The following INPP5A variants were observed in gnomAD, a reference collection of about 807,000 sequenced individuals.
The protein encoded by INPP5A is 43 kDa inositol polyphosphate 5-phophatase.
A neutral mutation model predicts 65.2 loss-of-function variants in INPP5A; 14 were observed. The observed-to-expected ratio is 0.21, with a 90% CI of 0.14 to 0.34. INPP5A has a LOEUF of 0.34. Ranked by LOEUF, INPP5A falls within the 10% of genes least tolerant of loss-of-function variation. INPP5A has a pLI of 1.00. For missense variants in INPP5A, 431 were observed against 545.6 expected (o/e 0.79, Z 2.09); for synonymous variants, 207 against 208.3 (o/e 0.99, Z 0.05).
At position 132,736,321 on chromosome 10, in the gene INPP5A, C is replaced by T. The variant is rs554019739; in HGVS notation, c.732+9416C>T. Among the ~76,000 whole-genome samples the T allele has an allele frequency of 1.2e-3, 178 of 152,374 alleles. 1 individual carries two copies. Among genetic ancestry groups the T allele is most frequent in the African/African-American group, 3.9e-3 (163 of 41,594 alleles). On this transcript the variant is annotated intron_variant, in intron 9 of 15. Coordinates refer to ENST00000368594, the MANE Select transcript of INPP5A (RefSeq NM_005539.5). ...CGCACCCGTCTCCACGCGGCCCGAC[C>T]GCACACCACACCTGCCGTCCATCAC...
intron 1 of INPP5A, among the ~76,000 whole-genome samples, chr10:132,570,437 C>G (rs185077060): frequency 6.6e-6 from 1 of 152,040 alleles, no homozygotes; most frequent in African/African-American, 2.4e-5. Context: ...TTCCTTCCGA[C>G]GAGGTATGTG....
rs188047907 is a variant in INPP5A at position 132,674,084 on chromosome 10, C to T, written c.307-16308C>T. Among the ~76,000 whole-genome samples, 1 of 152,292 alleles carries T rather than the reference C, an allele frequency of 6.6e-6. No homozygotes were observed. The highest frequency in any genetic ancestry group is 2.4e-5 in the African/African-American group (1 of 41,548). On this transcript the variant is annotated intron_variant, in intron 4 of 15. Coordinates refer to ENST00000368594, the MANE Select transcript of INPP5A (RefSeq NM_005539.5). This position sits in a 1 kb window ranked among gnomAD's most constrained non-coding sequence, Gnocchi z 4.4. Reference sequence around the variant, plus strand: ...TATCCACAGAAGGGGTCATCCTGTCCACTTGATTATTTAAATGCTCCTCTG... The same window carrying T: ...TATCCACAGAAGGGGTCATCCTGTCTACTTGATTATTTAAATGCTCCTCTG...
intron 4 of INPP5A, among the ~76,000 whole-genome samples, chr10:132,661,951 A>G (rs2072741743): frequency 1.3e-5 from 2 of 152,228 alleles, no homozygotes; most frequent in South Asian, 4.1e-4. Flanking sequence ...TGCTGTAGCA[A>G]TTAGAGGGCC....
intron 1 of INPP5A, among the ~76,000 whole-genome samples, chr10:132,571,809 C>T (rs1162082465): frequency 2.6e-5 from 4 of 152,198 alleles, no homozygotes; most frequent in Non-Finnish European, 5.9e-5. Flanking sequence ...CAGGGGCTAG[C>T]GAGTGAGCAG....
At chr10:132,774,103 C>T (rs2134687764) in intron 12 of INPP5A, among the ~76,000 whole-genome samples, 1 of 152,346 alleles carries the variant, frequency 6.6e-6, no homozygotes. Flanking sequence ...CCTTCTCCCG[C>T]TCGGTAGCTT....
rs138787071 is a variant in INPP5A, at chr10:132,547,579, C to T, written c.75+9408C>T. On this transcript the variant is annotated intron_variant, in intron 1 of 15. Coordinates refer to ENST00000368594, the MANE Select transcript of INPP5A (RefSeq NM_005539.5). The surrounding 1 kb of genome is among the most constrained non-coding windows in gnomAD (Gnocchi z 5.5). Reference sequence around the variant, plus strand: ...GGCCGGGCACCTGCACCCTCGCCGTCGCCCTGGGCTGACCTCCCATCTCCT... The same window carrying T: ...GGCCGGGCACCTGCACCCTCGCCGTTGCCCTGGGCTGACCTCCCATCTCCT... 1.4e-4 allele frequency among the ~76,000 whole-genome samples: 22 copies of T among 152,318 alleles called. No homozygotes were observed. In the East Asian group the frequency reaches 4.1e-3, roughly 28 times the overall value.
chr10:132,683,513 T>C (rs985285869), intron 4 of INPP5A, among the ~76,000 whole-genome samples: 6 of 152,230 alleles, frequency 3.9e-5, no homozygotes, highest in Admixed American at 3.9e-4. Context: ...GGAGGGTGCG[T>C]GTCTGCAGTG....
Position 132,678,483 on chromosome 10 carries a change from A to C in INPP5A, c.307-11909A>C, listed in dbSNP as rs1447195831. Among the ~76,000 whole-genome samples the C allele has an allele frequency of 6.6e-6, 1 of 151,996 alleles. No individual in the cohort carries two copies. The highest frequency in any genetic ancestry group is 1.5e-5 in the Non-Finnish European group (1 of 67,980). On this transcript the variant is annotated intron_variant, in intron 4 of 15. Transcript: ENST00000368594. This position sits in a 1 kb window ranked among gnomAD's most constrained non-coding sequence, Gnocchi z 4.1. Reference sequence around the variant, plus strand: ...ATGTGTGACTTTTGCAAGTGTGTTCAGCTTCTCGGGAGCACCGTGAACCTG... The same window carrying C: ...ATGTGTGACTTTTGCAAGTGTGTTCCGCTTCTCGGGAGCACCGTGAACCTG...
chr10:132,575,259 T>C lies in INPP5A; in HGVS notation c.76-32656T>C, dbSNP rs2071400092. On this transcript the variant is annotated intron_variant, in intron 1 of 15. Transcript: ENST00000368594. The surrounding 1 kb of genome is among the most constrained non-coding windows in gnomAD (Gnocchi z 5.4). The stretch of plus-strand genomic sequence containing the variant: ...GGGCGGCCGCCTGATGTCTGCCTGC[T>C]TTTGGCATTTGGACGACACCTGGTT... Among the ~76,000 whole-genome samples, 1 of 152,204 alleles carries C rather than the reference T, an allele frequency of 6.6e-6. No individual in the cohort carries two copies. Among genetic ancestry groups the C allele is most frequent in the African/African-American group, 2.4e-5 (1 of 41,454 alleles).
chr10:132,734,586 C>G (rs1177947830), intron 9 of INPP5A, among the ~76,000 whole-genome samples: 1 of 152,194 alleles, frequency 6.6e-6, no homozygotes, highest in East Asian at 1.9e-4. Flanking sequence ...GTGGGCAGCC[C>G]CATTGGTCCA....
chr10:132,703,700 G>A (rs1250125107), intron 6 of INPP5A, among the ~76,000 whole-genome samples: 1 of 76,230 alleles, frequency 1.3e-5, no homozygotes, highest in South Asian at 4.7e-4. Flanking sequence ...AGACACATGC[G>A]GCTTCACCCC....
At chr10:132,719,547 C>G (rs1845820819) in intron 8 of INPP5A, among the ~76,000 whole-genome samples, 2 of 147,620 alleles carry the variant, frequency 1.4e-5, no homozygotes, top group African/African-American at 5.2e-5. Context: ...TCTGTGGTGC[C>G]TGGGTTCTGT....
At chr10:132,776,390 G>T (rs1461616923) in intron 12 of INPP5A, among the ~76,000 whole-genome samples, 1 of 150,928 alleles carries the variant, frequency 6.6e-6, no homozygotes, top group African/African-American at 2.4e-5. Context: ...TTGGGCACAG[G>T]GCCCACAGGC....
Position 132,697,722 on chromosome 10 carries a change from C to T in INPP5A, c.371-94C>T, listed in dbSNP as rs557915358. The T allele has an allele frequency of 5.3e-5, 45 of 851,908 alleles. 1 individual carries two copies. In the South Asian group the frequency reaches 5.9e-4, roughly 11 times the overall value. The allele number at this position is 851,908 out of a possible 1,614,324, so 52.8% of individuals were successfully genotyped here. A position where few individuals can be genotyped will look rare whatever the true frequency, so the allele number is the denominator to read the frequency against. On this transcript the variant is annotated intron_variant, in intron 5 of 15. Coordinates refer to ENST00000368594, the MANE Select transcript of INPP5A (RefSeq NM_005539.5). The surrounding 1 kb of genome is among the most constrained non-coding windows in gnomAD (Gnocchi z 5.6). ...CTCGGGGGGCCTCTCTGGCTCCCAT[C>T]GGGCTGAAGTCGGGTGGAAACAGGT...
At chr10:132,604,200 G>A (rs1311924174) in intron 1 of INPP5A, among the ~76,000 whole-genome samples, 1 of 146,198 alleles carries the variant, frequency 6.8e-6, no homozygotes, top group Non-Finnish European at 1.5e-5. Flanking sequence ...GGCGTACCCT[G>A]TGCTGTCAGG....
At chr10:132,764,577 G>T (rs1292830141) in intron 11 of INPP5A, among the ~76,000 whole-genome samples, 8 of 131,710 alleles carry the variant, frequency 6.1e-5, no homozygotes, top group African/African-American at 8.9e-5. Context: ...ACAGGAACAC[G>T]GCCGGGCCAG....
Position 132,759,971 on chromosome 10 carries a change from G to A in INPP5A, c.904-5802G>A, listed in dbSNP as rs115489134. On this transcript the variant is annotated intron_variant, in intron 11 of 15. Coordinates refer to ENST00000368594, the MANE Select transcript of INPP5A (RefSeq NM_005539.5). ...TGCGGCCTCACGACTTCGGTGCTCA[G>A]CCACGCAGCACCGTGCTCACAGACC... is the stretch of plus-strand genomic sequence containing the variant. 2.1e-3 allele frequency among the ~76,000 whole-genome samples: 318 copies of A among 152,310 alleles called. 3 individuals are homozygous for A. The highest frequency in any genetic ancestry group is 6.3e-3 in the African/African-American group (260 of 41,556).
chr10:132,636,385 G>C (rs930603167), intron 2 of INPP5A, among the ~76,000 whole-genome samples: 4 of 152,222 alleles, frequency 2.6e-5, no homozygotes, highest in African/African-American at 7.2e-5. Context: ...CACGATTCGA[G>C]TGGTGGTTAC....
At chr10:132,573,857 G>A (rs2071382615) in intron 1 of INPP5A, among the ~76,000 whole-genome samples, 1 of 131,672 alleles carries the variant, frequency 7.6e-6, no homozygotes, top group Non-Finnish European at 1.6e-5. Flanking sequence ...GCTGTGTGAG[G>A]TTTTGTTGAG....
Sources: allele counts gnomAD v4.1 joint callset (sites outside exome capture counted in the v4.1 genomes callset), GRCh38; gene constraint gnomAD v4.1.1; non-coding constraint Gnocchi (gnomAD v3.1); transcripts MANE v1.5; gene names NCBI Gene and HGNC (gene_info 2026-07-23, HGNC 2026-07-21).